Variants in ACBD6 observed in about 807,000 individuals in gnomAD.
ACBD6 encodes the protein acyl-CoA-binding domain-containing protein 6.
In ACBD6, 28 loss-of-function variants were observed where a neutral mutation model predicts 37.2. That is an observed-to-expected ratio of 0.75 (90% CI 0.56 to 1.03). The LOEUF (loss-of-function observed/expected upper bound fraction) is 1.03, where lower values mean the gene tolerates loss of function less well. Ranked by LOEUF, ACBD6 falls within the 50% of genes least tolerant of loss-of-function variation. The pLI is 0.00. For synonymous variants in ACBD6, 113 were observed against 126.8 expected (o/e 0.89, Z 0.73); for missense variants, 340 against 337.4 (o/e 1.01, Z -0.06).
intron 7 of ACBD6, among the ~76,000 whole-genome samples, chr1:180,292,709 G>A (rs914963249): frequency 1.3e-5 from 2 of 151,624 alleles, no homozygotes; most frequent in Non-Finnish European, 2.9e-5. Flanking sequence ...AAATCTATGT[G>A]GCTTTCATTT....
chr1:180,280,880 C>T (rs1571311595), intron 9 of ACBD6, among the ~76,000 whole-genome samples: 1 of 152,168 alleles, frequency 6.6e-6, no homozygotes, highest in Non-Finnish European at 1.5e-5. Context: ...TGCTGAGGCA[C>T]TGGTAATGGG....
At chr1:180,446,410 A>C (rs1162870761) in intron 3 of ACBD6, among the ~76,000 whole-genome samples, 1 of 152,204 alleles carries the variant, frequency 6.6e-6, no homozygotes, top group Non-Finnish European at 1.5e-5. Context: ...TAAATTATGC[A>C]TAATTTAGTT....
intron 3 of ACBD6, among the ~76,000 whole-genome samples, chr1:180,446,262 C>T (rs907808327): frequency 3.9e-5 from 6 of 151,944 alleles, no homozygotes; most frequent in East Asian, 3.9e-4. Context: ...ATCTACCCAC[C>T]TCAGCCTCCC....
intron 6 of ACBD6, among the ~76,000 whole-genome samples, chr1:180,350,002 T>C (rs1176248281): frequency 6.7e-6 from 1 of 150,104 alleles, no homozygotes; most frequent in Non-Finnish European, 1.5e-5. Flanking sequence ...ACTAAAGGTG[T>C]TTCAGTCCTC....
At chr1:180,390,583 T>C (rs1305910995) in intron 6 of ACBD6, among the ~76,000 whole-genome samples, 1 of 152,156 alleles carries the variant, frequency 6.6e-6, no homozygotes, top group Non-Finnish European at 1.5e-5. Flanking sequence ...AATCTATAAA[T>C]TACCTTGGGC....
At chr1:180,402,366 T>A (rs72714853) in intron 5 of ACBD6, among the ~76,000 whole-genome samples, 3,219 of 152,282 alleles carry the variant, frequency 0.021, 55 homozygotes, top group Non-Finnish European at 0.031. Context: ...ATAATTTACT[T>A]ACGAGCATTA....
chr1:180,270,921 A>T (rs1388137102), exon 14 of ACBD6: 2 of 253,170 alleles, frequency 7.9e-6, no homozygotes, highest in African/African-American at 4.4e-5. Context: ...CAAAGGTGAC[A>T]TGGCTGTGGG....
chr1:180,374,271 A>T (rs10798753), intron 6 of ACBD6, among the ~76,000 whole-genome samples: 124,192 of 151,800 alleles, frequency 0.82, 51,217 homozygotes, highest in Non-Finnish European at 0.88. Context: ...CCCCCCTTAC[A>T]CTCACATGCA....
At chr1:180,461,901 T>C (rs1362103686) in intron 3 of ACBD6, among the ~76,000 whole-genome samples, 2 of 152,142 alleles carry the variant, frequency 1.3e-5, no homozygotes, top group Admixed American at 6.5e-5. Context: ...AGCATCATGA[T>C]GACAGGATCG....
chr1:180,341,887 T>G (rs1255197459), intron 6 of ACBD6, among the ~76,000 whole-genome samples: 2 of 152,150 alleles, frequency 1.3e-5, no homozygotes, highest in Non-Finnish European at 2.9e-5. Context: ...TAATTATTAC[T>G]TAGCTGTTCC....
chr1:180,344,922 G>A lies in ACBD6; in HGVS notation c.664-30200C>T, dbSNP rs544666520. On this transcript the variant is annotated intron_variant, in intron 6 of 7. Transcript: ENST00000367595. ...TAAGTTATGGTATCACATACAGCAT[G>A]CTTGTGTAATTCCTATTACCAAAAT... Among the ~76,000 whole-genome samples the A allele has an allele frequency of 2.0e-5, 3 of 152,250 alleles. No homozygotes were observed. In the South Asian group the frequency reaches 6.2e-4, roughly 32 times the overall value.
rs946474550 is a variant in ACBD6, at chr1:180,435,455, G to C, written c.385-5193C>G. 1.5e-5 allele frequency: 7 copies of C among 456,052 alleles called. No individual in the cohort carries two copies. In the East Asian group the frequency reaches 2.9e-4, roughly 19 times the overall value. 28.3% of individuals were successfully genotyped at this position (456,052 alleles called of 1,614,324 possible). On this transcript the variant is annotated intron_variant, in intron 3 of 7. Coordinates refer to ENST00000367595, the MANE Select transcript of ACBD6 (RefSeq NM_032360.4). ...TTTTTAGTAGAGACGGGGTTTCACC[G>C]TTAGCCAGGATGGTCTCAATCTCCT...
In ACBD6 at chr1:180,374,370, T is replaced by C. The variant is rs1653360254; in HGVS notation, c.663+23146A>G. Among the ~76,000 whole-genome samples, 3 of 152,330 alleles carry C rather than the reference T, an allele frequency of 2.0e-5. No homozygotes were observed. The South Asian group carries it at 6.2e-4, about 32-fold the overall frequency. On this transcript the variant is annotated intron_variant, in intron 6 of 7. Transcript: ENST00000367595. Reference sequence around the variant, plus strand: ...GAAAGGTGCTACACTCAAGTGCTAGTAAACATTTCTTCCTCAGTACCTGAA... The same window carrying C: ...GAAAGGTGCTACACTCAAGTGCTAGCAAACATTTCTTCCTCAGTACCTGAA...
intron 3 of ACBD6, among the ~76,000 whole-genome samples, chr1:180,431,013 C>A (rs1648791823): frequency 6.6e-6 from 1 of 152,178 alleles, no homozygotes; most frequent in African/African-American, 2.4e-5. Flanking sequence ...AAAGTCAAAA[C>A]TCTGATTCCG....
rs146030537 is a variant in ACBD6, at chr1:180,411,697, G to A, written c.573+1669C>T. The stretch of plus-strand genomic sequence containing the variant: ...TGTTTGTTTTTTGAGATGGAGTCTC[G>A]CTCTGTTGCCCAGGCTGGAGTGCCA... On this transcript the variant is annotated intron_variant, in intron 5 of 7. Coordinates refer to ENST00000367595, the MANE Select transcript of ACBD6 (RefSeq NM_032360.4). 5.5e-3 allele frequency among the ~76,000 whole-genome samples: 832 copies of A among 152,130 alleles called. 7 individuals carry two copies. The highest frequency in any genetic ancestry group is 0.019 in the African/African-American group (787 of 41,506).
chr1:180,380,563 A>G (rs1428405743), intron 6 of ACBD6, among the ~76,000 whole-genome samples: 1 of 152,172 alleles, frequency 6.6e-6, no homozygotes, highest in Non-Finnish European at 1.5e-5. Context: ...CCTACAAGAC[A>G]TGCTTAAGGG....
chr1:180,479,968 G>A (rs752910205), intron 3 of ACBD6, among the ~76,000 whole-genome samples: 8 of 152,050 alleles, frequency 5.3e-5, no homozygotes, highest in Non-Finnish European at 1.0e-4. Context: ...CAGCCTGGGT[G>A]ATAGAGCCAG....
At chr1:180,422,196 T>C (rs1648395195) in intron 4 of ACBD6, among the ~76,000 whole-genome samples, 1 of 151,578 alleles carries the variant, frequency 6.6e-6, no homozygotes, top group Non-Finnish European at 1.5e-5. Flanking sequence ...GTTCATGAAT[T>C]CCCTTTTCTT....
At chr1:180,428,310 ATAT>A (rs1215185850) in intron 4 of ACBD6, among the ~76,000 whole-genome samples, 2 of 152,104 alleles carry the variant, frequency 1.3e-5, no homozygotes, top group Non-Finnish European at 2.9e-5. Context: ...TAGTAAGAAC[ATAT>A]TATTCAAAAG....
Sources: gnomAD v4.1 joint callset for allele counts (sites outside exome capture counted in the v4.1 genomes callset) on GRCh38, gnomAD v4.1.1 for gene constraint, MANE v1.5 for transcripts, NCBI Gene and HGNC (gene_info 2026-07-23, HGNC 2026-07-21) for gene names.